The following LIMD1 variants were observed in gnomAD, a reference collection of about 807,000 sequenced individuals.
The protein encoded by LIMD1 is LIM domain-containing protein 1.
LIMD1 carries 23 observed loss-of-function variants against 58.4 expected under a neutral mutation model. The observed-to-expected ratio is 0.39, with a 90% CI of 0.28 to 0.56. The LOEUF is 0.56. Among genes scored for constraint, LIMD1 ranks in the 20% least tolerant of loss-of-function variants. The pLI, the probability that LIMD1 is intolerant of heterozygous loss-of-function variation, is 0.57. For synonymous variants in LIMD1, 334 were observed against 345.5 expected, an observed-to-expected ratio of 0.97 and a Z score of 0.37; for missense variants, 838 against 855.5, an observed-to-expected ratio of 0.98 and a Z score of 0.25.
chr3:45,634,325 T>C lies in LIMD1; in HGVS notation c.1409-1825T>C, dbSNP rs572403948. ...TTTCATTTGACTGTAATGGGGGAGT[T>C]CTTTGGGAGGGAGACTCCAAGGCCT... is the stretch of plus-strand genomic sequence containing the variant. On this transcript the variant is annotated intron_variant, in intron 1 of 7. Coordinates refer to ENST00000273317, the MANE Select transcript of LIMD1 (RefSeq NM_014240.3). Among the ~76,000 whole-genome samples, 111 of 152,204 alleles carry C rather than the reference T, an allele frequency of 7.3e-4. 5 individuals are homozygous for C. The South Asian group carries it at 0.022, about 31-fold the overall frequency.
chr3:45,621,956 G>T (rs1190194882), intron 1 of LIMD1, among the ~76,000 whole-genome samples: 1 of 151,842 alleles, frequency 6.6e-6, no homozygotes, highest in Non-Finnish European at 1.5e-5. Flanking sequence ...CCAGCTACTC[G>T]GGAGGCTGAG....
At chr3:45,671,380 A>G (rs1697583616) in intron 4 of LIMD1, among the ~76,000 whole-genome samples, 1 of 152,168 alleles carries the variant, frequency 6.6e-6, no homozygotes, top group South Asian at 2.1e-4. Context: ...GGCTTCCCCA[A>G]ATCCAAAATC....
intron 2 of LIMD1, among the ~76,000 whole-genome samples, chr3:45,661,629 G>A (rs571287967): frequency 2.2e-4 from 34 of 152,342 alleles, no homozygotes; most frequent in African/African-American, 7.9e-4. Context: ...TCTCCTAAGA[G>A]CTTGTTTTAG....
intron 2 of LIMD1, among the ~76,000 whole-genome samples, chr3:45,639,712 G>C (rs1161824600): frequency 6.6e-6 from 1 of 152,176 alleles, no homozygotes; most frequent in Non-Finnish European, 1.5e-5. Flanking sequence ...GCCCAGGCTG[G>C]AGTGCAGTGG....
chr3:45,603,958 C>T (rs569419924), intron 1 of LIMD1, among the ~76,000 whole-genome samples: 7 of 152,038 alleles, frequency 4.6e-5, no homozygotes, highest in Admixed American at 3.9e-4. Flanking sequence ...ATGACCATCA[C>T]CCAGGACGCT....
rs1697620646 is a variant in LIMD1, at chr3:45,673,442, T to C, written c.1773-12T>C. The stretch of plus-strand genomic sequence containing the variant: ...GAAGCAACATTTATTGCTGCTTTGT[T>C]TCTCCCCACAGGGTGCTGGCCCCCA... On this transcript the variant is annotated splice_polypyrimidine_tract_variant and intron_variant, in intron 5 of 7. Transcript: ENST00000273317. The C allele has an allele frequency of 6.2e-7, 1 of 1,613,094 alleles. No individual in the cohort carries two copies. The highest frequency in any genetic ancestry group is 8.5e-7 in the Non-Finnish European group (1 of 1,179,276).
intron 7 of LIMD1, among the ~76,000 whole-genome samples, chr3:45,675,272 G>A (rs945016877): frequency 6.6e-6 from 1 of 152,242 alleles, no homozygotes; most frequent in Non-Finnish European, 1.5e-5. Context: ...GCTCACGCCT[G>A]TAATCTCAGC....
At chr3:45,626,956 T>C (rs779837735) in intron 1 of LIMD1, among the ~76,000 whole-genome samples, 3 of 151,328 alleles carry the variant, frequency 2.0e-5, no homozygotes, top group African/African-American at 7.3e-5. Flanking sequence ...AAATGATAAA[T>C]ATCATTTTTT....
At position 45,650,496 on chromosome 3, in the gene LIMD1, C is replaced by G. The variant is rs1269988045; in HGVS notation, c.1510+14245C>G. On this transcript the variant is annotated intron_variant, in intron 2 of 7. Transcript: ENST00000273317. Reference sequence around the variant, plus strand: ...TGCTATCCCTCCCCCAGCCCCCCACCCCCCCCAACAGGCCCCAGTGTGTGA... The same window carrying G: ...TGCTATCCCTCCCCCAGCCCCCCACGCCCCCCAACAGGCCCCAGTGTGTGA... Among the ~76,000 whole-genome samples the G allele has an allele frequency of 2.1e-5, 3 of 146,256 alleles. No homozygotes were observed. The Admixed American group carries it at 2.1e-4, about 10-fold the overall frequency.
intron 1 of LIMD1, among the ~76,000 whole-genome samples, chr3:45,630,441 G>T (rs1218639940): frequency 2.0e-5 from 3 of 152,154 alleles, no homozygotes; most frequent in East Asian, 1.9e-4. Context: ...AAGTGTTTGT[G>T]GGGGGAACGA....
intron 1 of LIMD1, among the ~76,000 whole-genome samples, chr3:45,630,522 G>A (rs1701717065): frequency 6.6e-6 from 1 of 152,186 alleles, no homozygotes; most frequent in African/African-American, 2.4e-5. Context: ...GAGGAGCTGC[G>A]GGTTGCCCCC....
Position 45,594,795 on chromosome 3 carries a change from A to ACACACACACACACACACACACACACACAC in LIMD1, c.-84_-56dup, listed in dbSNP as rs1559510552. 42 of 113,316 alleles carry ACACACACACACACACACACACACACACAC rather than the reference A, an allele frequency of 3.7e-4. No individual in the cohort carries two copies. The highest frequency in any genetic ancestry group is 3.7e-3 in the East Asian group (10 of 2,728). 7.0% of individuals were successfully genotyped at this position (113,316 alleles called of 1,614,324 possible). On this transcript the variant is annotated 5_prime_UTR_variant, in exon 1 of 8. Transcript: ENST00000273317. ...CTGCCCTCAACACACACACACACACACACACACACACACACACACACACAC... is the reference window on the plus strand; with the variant it reads ...CTGCCCTCAACACACACACACACACACACACACACACACACACACACACACACACCACACACACACACACACACACACAC...
chr3:45,617,034 AT>A (rs35895557), intron 1 of LIMD1, among the ~76,000 whole-genome samples: 136 of 114,102 alleles, frequency 1.2e-3, no homozygotes, highest in Admixed American at 1.5e-3. Context: ...TGCCTGGCCT[AT>A]TTTTTTTTTT....
chr3:45,663,623 A>G (rs569921487), intron 2 of LIMD1, among the ~76,000 whole-genome samples: 6 of 152,248 alleles, frequency 3.9e-5, no homozygotes, highest in Admixed American at 1.3e-4. Flanking sequence ...CAGGTTTTCT[A>G]TTCTATGCAC....
chr3:45,605,028 C>A (rs1701454339), intron 1 of LIMD1, among the ~76,000 whole-genome samples: 1 of 152,244 alleles, frequency 6.6e-6, no homozygotes, highest in African/African-American at 2.4e-5. Context: ...GGAGACAGAA[C>A]TGTGCAAGAA....
At chr3:45,625,915 C>T (rs1701665194) in intron 1 of LIMD1, among the ~76,000 whole-genome samples, 1 of 152,212 alleles carries the variant, frequency 6.6e-6, no homozygotes, top group Non-Finnish European at 1.5e-5. Context: ...CTAAAATATA[C>T]AGCCAGAGCC....
chr3:45,665,625 C>T (rs755025563), intron 2 of LIMD1, 25 bp from the exon 3 acceptor site: 56 of 1,600,448 alleles, frequency 3.5e-5, no homozygotes, highest in Non-Finnish European at 4.7e-5. Context: ...CTTTTTTTAC[C>T]CTGTGTTTGT....
At chr3:45,643,766 G>A (rs988624075) in intron 2 of LIMD1, among the ~76,000 whole-genome samples, 3 of 152,236 alleles carry the variant, frequency 2.0e-5, no homozygotes, top group Admixed American at 1.3e-4. Context: ...ACAGTTGACA[G>A]AAATTACGCC....
At chr3:45,668,457 AT>A in intron 4 of LIMD1, 101 bp downstream of exon 4, 1 of 964,540 alleles carries the variant, frequency 1.0e-6, no homozygotes, top group Non-Finnish European at 1.6e-6. Context: ...TCTTATCTTG[AT>A]TTGTGGTTAC....
Sources: allele counts gnomAD v4.1 joint callset (sites outside exome capture counted in the v4.1 genomes callset), GRCh38; gene constraint gnomAD v4.1.1; transcripts MANE v1.5; gene names NCBI Gene and HGNC (gene_info 2026-07-23, HGNC 2026-07-21).